Variants in DTL observed in about 807,000 individuals in gnomAD.
DTL encodes the protein denticleless E3 ubiquitin protein ligase adapter, also known as denticleless protein homolog.
Under a neutral mutation model 87.0 loss-of-function variants are expected in DTL, and 46 were observed. The observed-to-expected ratio is 0.53, with a 90% CI of 0.42 to 0.68. The LOEUF (loss-of-function observed/expected upper bound fraction) is 0.68, where lower values mean the gene tolerates loss of function less well. Among genes scored for constraint, DTL ranks in the 30% least tolerant of loss-of-function variants. DTL has a pLI of 0.00. For missense variants in DTL, 737 were observed against 869.4 expected (o/e 0.85, Z 1.91); for synonymous variants, 308 against 311.2 (o/e 0.99, Z 0.11).
At position 212,103,144 on chromosome 1, in the gene DTL, G is replaced by A. The variant is rs752908003; in HGVS notation, c.*204G>A. 53 of 348,544 alleles carry A rather than the reference G, an allele frequency of 1.5e-4. No homozygotes were observed. The highest frequency in any genetic ancestry group is 8.3e-4 in the African/African-American group (39 of 47,184). The allele number at this position is 348,544 out of a possible 1,614,324, so 21.6% of individuals were successfully genotyped here. A position where few individuals can be genotyped will look rare whatever the true frequency, so the allele number is the denominator to read the frequency against. On this transcript the variant is annotated 3_prime_UTR_variant, in exon 15 of 15. Transcript: ENST00000366991. ...CCATAATGTATATGCAGCTTCCCGA[G>A]GATGAATGCTGTGTTTAAATTTCAT...
At position 212,098,420 on chromosome 1, in the gene DTL, G is replaced by C. The variant is rs148530490; in HGVS notation, c.1262-1832G>C. ...GTAGTATAGCGGGGGATATAAGCTT[G>C]CCTTACGGTTTCCTGGATAGGTTTT... On this transcript the variant is annotated intron_variant, in intron 13 of 14. Coordinates refer to ENST00000366991, the MANE Select transcript of DTL (RefSeq NM_016448.4). 7.5e-4 allele frequency among the ~76,000 whole-genome samples: 114 copies of C among 152,266 alleles called. 1 individual carries two copies. The highest frequency in any genetic ancestry group is 1.9e-3 in the African/African-American group (80 of 41,554).
At chr1:212,089,940 A>G (rs1655235983) in intron 13 of DTL, among the ~76,000 whole-genome samples, 1 of 152,154 alleles carries the variant, frequency 6.6e-6, no homozygotes, top group African/African-American at 2.4e-5. Context: ...CTAAATGTAC[A>G]CTTTGACCCA....
At chr1:212,061,526 A>G (rs1200609812) in intron 5 of DTL, among the ~76,000 whole-genome samples, 1 of 151,688 alleles carries the variant, frequency 6.6e-6, no homozygotes, top group African/African-American at 2.4e-5. Flanking sequence ...TAGAATTACC[A>G]TTGATCTAGC....
chr1:212,037,429 T>C (rs769770842), intron 1 of DTL, among the ~76,000 whole-genome samples: 3 of 152,248 alleles, frequency 2.0e-5, no homozygotes, highest in African/African-American at 4.8e-5. Context: ...CCAGGGCTTC[T>C]TCCACTTCTA....
intron 13 of DTL, among the ~76,000 whole-genome samples, chr1:212,093,959 C>A (rs903371198): frequency 6.6e-6 from 1 of 152,066 alleles, no homozygotes; most frequent in African/African-American, 2.4e-5. Context: ...CCCAGCACTC[C>A]CGTATCAATT....
intron 6 of DTL, 96 bp downstream of exon 6, chr1:212,063,045 G>A: frequency 1.1e-6 from 1 of 898,186 alleles, no homozygotes; most frequent in Non-Finnish European, 1.8e-6. Flanking sequence ...TACCACCAGG[G>A]GGCATGTACT....
intron 12 of DTL, among the ~76,000 whole-genome samples, 176 bp downstream of exon 12, chr1:212,078,438 C>T (rs1654898308): frequency 6.6e-6 from 1 of 152,044 alleles, no homozygotes; most frequent in African/African-American, 2.4e-5. Flanking sequence ...TTTTCTCTAC[C>T]CATACCATAA....
intron 5 of DTL, among the ~76,000 whole-genome samples, chr1:212,056,038 A>G (rs1034761945): frequency 6.6e-6 from 1 of 152,210 alleles, no homozygotes; most frequent in Non-Finnish European, 1.5e-5. Context: ...CAACACTAGT[A>G]CGGAACACTT....
At chr1:212,046,823 G>T (rs946788021) in intron 3 of DTL, among the ~76,000 whole-genome samples, 2 of 152,150 alleles carry the variant, frequency 1.3e-5, no homozygotes, top group Non-Finnish European at 2.9e-5. Flanking sequence ...GGATTGCTGG[G>T]TCAAATGGTA....
chr1:212,055,881 A>G lies in DTL; in HGVS notation c.461-7003A>G, dbSNP rs190557361. Among the ~76,000 whole-genome samples the G allele has an allele frequency of 2.6e-5, 4 of 152,290 alleles. No individual in the cohort carries two copies. In the East Asian group the frequency reaches 7.7e-4, roughly 29 times the overall value. On this transcript the variant is annotated intron_variant, in intron 5 of 14. Coordinates refer to ENST00000366991, the MANE Select transcript of DTL (RefSeq NM_016448.4). ...GGGAGGCCTGAGGATTGCCCAGTTCAGTTCATCACCAGTGGTGCCTGAGCA... is the reference window on the plus strand; with the variant it reads ...GGGAGGCCTGAGGATTGCCCAGTTCGGTTCATCACCAGTGGTGCCTGAGCA...
At chr1:212,081,249 G>A (rs986353586) in intron 13 of DTL, among the ~76,000 whole-genome samples, 3 of 152,150 alleles carry the variant, frequency 2.0e-5, no homozygotes, top group African/African-American at 7.2e-5. Context: ...AGTAAAGAAA[G>A]TGAAGTAGTA....
intron 5 of DTL, among the ~76,000 whole-genome samples, chr1:212,049,686 T>A (rs1337596641): frequency 6.6e-6 from 1 of 152,198 alleles, no homozygotes; most frequent in African/African-American, 2.4e-5. Flanking sequence ...CTCCACTCAC[T>A]CCATCAGCCA....
At chr1:212,068,372 T>TTA (rs1558081079) in intron 9 of DTL, 45 bp downstream of exon 9, 1 of 952,314 alleles carries the variant, frequency 1.1e-6, no homozygotes, top group Non-Finnish European at 1.5e-6. Context: ...AGTTTTTGTT[T>TTA]AAAAAAAAAA....
chr1:212,044,870 G>T (rs1667765053), intron 3 of DTL, 112 bp downstream of exon 3: 1 of 653,298 alleles, frequency 1.5e-6, no homozygotes, highest in Non-Finnish European at 2.7e-6. Flanking sequence ...TGCTATAAAG[G>T]AATAACTGAG....
intron 1 of DTL, 40 bp downstream of exon 1, chr1:212,035,982 T>C: frequency 6.2e-7 from 1 of 1,605,584 alleles, no homozygotes; most frequent in East Asian, 2.2e-5. Context: ...GCTGGCGGAA[T>C]TCATTTCCCC....
At chr1:212,050,758 C>T (rs1379124489) in intron 5 of DTL, among the ~76,000 whole-genome samples, 2 of 151,986 alleles carry the variant, frequency 1.3e-5, no homozygotes, top group South Asian at 4.2e-4. Context: ...TATCTTAACC[C>T]TGTGTTCTCT....
At chr1:212,042,466 T>C (rs537142052) in intron 1 of DTL, among the ~76,000 whole-genome samples, 2 of 152,344 alleles carry the variant, frequency 1.3e-5, no homozygotes, top group African/African-American at 4.8e-5. Flanking sequence ...GGTACTATAA[T>C]TGCTGCTATT....
chr1:212,075,848 A>T (rs925493798), intron 11 of DTL, among the ~76,000 whole-genome samples: 1 of 152,152 alleles, frequency 6.6e-6, no homozygotes, highest in African/African-American at 2.4e-5. Flanking sequence ...ACCAGAAAAA[A>T]ACCCGTGTCC....
In DTL at chr1:212,072,197, C is replaced by G; in HGVS notation, c.1019C>G (p.Ala340Gly). ...TTAGTCAGTGGCTCAAGTGATGAAG[C>G]TGCCTACATATGGAAGGTAAGTTGC... ...QFLVSGSSDE[A>G]AYIWKVSTPW... The change falls in exon 11 of 15, where the codon GCT (alanine) becomes GGT (glycine). Residue 340 changes from alanine (A) to glycine (G), a missense_variant. Transcript: ENST00000366991. The G allele has an allele frequency of 6.2e-7, 1 of 1,613,374 alleles. No individual in the cohort carries two copies. The highest frequency in any genetic ancestry group is 8.5e-7 in the Non-Finnish European group (1 of 1,179,386).
Sources: gnomAD v4.1 joint callset for allele counts (sites outside exome capture counted in the v4.1 genomes callset) on GRCh38, gnomAD v4.1.1 for gene constraint, MANE v1.5 for transcripts, NCBI Gene and HGNC (gene_info 2026-07-23, HGNC 2026-07-21) for gene names.